Variants in LRRTM3 observed in about 807,000 individuals in gnomAD.
LRRTM3 encodes leucine-rich repeat transmembrane neuronal protein 3.
Under a neutral mutation model 44.7 loss-of-function variants are expected in LRRTM3, and 24 were observed. The ratio of observed to expected loss-of-function variants is 0.54; its 90% CI spans 0.39 to 0.76. The LOEUF (loss-of-function observed/expected upper bound fraction) is 0.76. Among genes scored for constraint, LRRTM3 ranks in the 30% least tolerant of loss-of-function variants. The pLI is 0.00. For missense variants in LRRTM3, 587 were observed against 702.2 expected (o/e 0.84, Z 1.85); for synonymous variants, 277 against 278.7 (o/e 0.99, Z 0.06).
rs533938154 is a variant in LRRTM3, at chr10:66,962,389, T to G, written c.1536+33937T>G. ...TGCCTCCTCAACTCCTCTAAGTTTT[T>G]TTTTGTTTTGTTTTTTGTTTTTGTT... On this transcript the variant is annotated intron_variant, in intron 2 of 2. Transcript: ENST00000361320. 9.9e-5 allele frequency among the ~76,000 whole-genome samples: 15 copies of G among 151,270 alleles called. No individual in the cohort carries two copies. In the South Asian group the frequency reaches 2.3e-3, roughly 23 times the overall value.
At chr10:66,970,942 A>G (rs1256147058) in intron 2 of LRRTM3, among the ~76,000 whole-genome samples, 1 of 152,188 alleles carries the variant, frequency 6.6e-6, no homozygotes, top group Non-Finnish European at 1.5e-5. Context: ...AATAGAAAGA[A>G]GTTATCTATT....
intron 2 of LRRTM3, among the ~76,000 whole-genome samples, chr10:67,067,391 G>T (rs374076401): frequency 6.6e-6 from 1 of 152,056 alleles, no homozygotes; most frequent in East Asian, 1.9e-4. Context: ...TGATTTGCTC[G>T]TATTCACTTT....
chr10:67,070,876 T>G (rs183870797), intron 2 of LRRTM3, among the ~76,000 whole-genome samples: 187 of 152,358 alleles, frequency 1.2e-3, no homozygotes, highest in African/African-American at 4.4e-3. Flanking sequence ...TCTCATAACT[T>G]TTCTCTGCAT....
intron 2 of LRRTM3, among the ~76,000 whole-genome samples, chr10:67,065,035 C>T (rs10509279): frequency 0.11 from 16,010 of 152,154 alleles, 1,087 homozygotes; most frequent in South Asian, 0.2. Context: ...TATGGTCCTA[C>T]ATAGCAAGTC....
At chr10:67,065,634 A>G (rs1856027890) in intron 2 of LRRTM3, among the ~76,000 whole-genome samples, 1 of 152,078 alleles carries the variant, frequency 6.6e-6, no homozygotes, top group South Asian at 2.1e-4. Context: ...GTCTTAGCCA[A>G]TAAAATTCTC....
chr10:66,987,944 A>G (rs1850824932), intron 2 of LRRTM3, among the ~76,000 whole-genome samples: 1 of 152,202 alleles, frequency 6.6e-6, no homozygotes, highest in African/African-American at 2.4e-5. Flanking sequence ...TCTTTTAAAA[A>G]CATTTCTATC....
At chr10:67,079,372 C>T (rs1012300519) in intron 2 of LRRTM3, among the ~76,000 whole-genome samples, 2 of 152,190 alleles carry the variant, frequency 1.3e-5, no homozygotes, top group Non-Finnish European at 2.9e-5. Context: ...AGCGATAGGG[C>T]AGTTCCTAGA....
At chr10:66,926,864 A>C (rs1847108999) in intron 1 of LRRTM3, 57 bp from the exon 2 acceptor site, 1 of 1,461,224 alleles carries the variant, frequency 6.8e-7, no homozygotes, top group Non-Finnish European at 9.1e-7. Context: ...TTTTTGCTTG[A>C]TTAAGGATTA....
chr10:67,018,710 T>C, intron 2 of LRRTM3, among the ~76,000 whole-genome samples: 1 of 152,186 alleles, frequency 6.6e-6, no homozygotes, highest in Admixed American at 6.5e-5. Context: ...AGTTTCCTCA[T>C]ATGCAAAATG....
At chr10:67,018,568 C>T (rs1217034203) in intron 2 of LRRTM3, among the ~76,000 whole-genome samples, 1 of 152,184 alleles carries the variant, frequency 6.6e-6, no homozygotes, top group Middle Eastern at 3.2e-3. Flanking sequence ...CAGTAATAGA[C>T]AGACCTGCTA....
At chr10:67,097,514 T>G in intron 2 of LRRTM3, 73 bp from the exon 3 acceptor site, 1 of 1,363,580 alleles carries the variant, frequency 7.3e-7, no homozygotes, top group Non-Finnish European at 1.0e-6. Flanking sequence ...GGTCAGCACT[T>G]CAGTCTCTAA....
chr10:67,066,011 A>G (rs1485117843), intron 2 of LRRTM3, among the ~76,000 whole-genome samples: 2 of 152,102 alleles, frequency 1.3e-5, no homozygotes, highest in African/African-American at 2.4e-5. Flanking sequence ...ATATTATTAG[A>G]AATAATAATT....
intron 2 of LRRTM3, among the ~76,000 whole-genome samples, chr10:66,976,871 T>C (rs7073143): frequency 0.23 from 35,200 of 152,102 alleles, 4,341 homozygotes; most frequent in East Asian, 0.37. Flanking sequence ...CTTGTTTTTG[T>C]CTAAAGACAG....
At chr10:66,976,127 TCCTG>T (rs1295931745) in intron 2 of LRRTM3, among the ~76,000 whole-genome samples, 2 of 152,194 alleles carry the variant, frequency 1.3e-5, no homozygotes, top group East Asian at 3.9e-4. Flanking sequence ...CAAACATTGT[TCCTG>T]CCTTTGTAAA....
At position 66,926,513 on chromosome 10, in the gene LRRTM3, A is replaced by C; in HGVS notation, c.-71A>C. ...CCTGACTCACTACAGTGCAGCTGACAGGGGCTGTCATGCAACTGGCCCCTA... is the reference window on the plus strand; with the variant it reads ...CCTGACTCACTACAGTGCAGCTGACCGGGGCTGTCATGCAACTGGCCCCTA... On this transcript the variant is annotated 5_prime_UTR_variant, in exon 1 of 3. Transcript: ENST00000361320. The C allele has an allele frequency of 6.3e-7, 1 of 1,580,722 alleles. No homozygotes were observed. The highest frequency in any genetic ancestry group is 8.7e-7 in the Non-Finnish European group (1 of 1,152,684).
At chr10:67,065,365 C>A (rs558870724) in intron 2 of LRRTM3, among the ~76,000 whole-genome samples, 1 of 152,100 alleles carries the variant, frequency 6.6e-6, no homozygotes, top group South Asian at 2.1e-4. Context: ...AATGAGGAGG[C>A]TTTATAATTA....
intron 2 of LRRTM3, among the ~76,000 whole-genome samples, chr10:66,976,714 A>G (rs1034123363): frequency 2.6e-5 from 4 of 152,128 alleles, no homozygotes; most frequent in African/African-American, 9.7e-5. Context: ...CGTCAATACA[A>G]TTTTATTCTC....
rs963972466 is a variant in LRRTM3 at position 67,099,515 on chromosome 10, A to G, written c.*1719A>G. The G allele has an allele frequency of 2.0e-5, 3 of 152,234 alleles. No individual in the cohort carries two copies. Among genetic ancestry groups the G allele is most frequent in the Non-Finnish European group, 2.9e-5 (2 of 67,808 alleles). The allele number at this position is 152,234 out of a possible 1,614,324, so 9.4% of individuals were successfully genotyped here. ...ACTTTTAAATTTTTATCTCTTCCAA[A>G]GAAGTTATATCTATAAAATCTAGTT... On this transcript the variant is annotated 3_prime_UTR_variant, in exon 3 of 3. Coordinates refer to ENST00000361320, the MANE Select transcript of LRRTM3 (RefSeq NM_178011.5).
chr10:67,067,244 T>C (rs1856149252), intron 2 of LRRTM3, among the ~76,000 whole-genome samples: 1 of 152,228 alleles, frequency 6.6e-6, no homozygotes, highest in East Asian at 1.9e-4. Context: ...TATATTTATA[T>C]ATTTGTCTGT....
Sources: gnomAD v4.1 joint callset for allele counts (sites outside exome capture counted in the v4.1 genomes callset) on GRCh38, gnomAD v4.1.1 for gene constraint, MANE v1.5 for transcripts, NCBI Gene and HGNC (gene_info 2026-07-23, HGNC 2026-07-21) for gene names.